DPP10: variants seen among roughly 807,000 people sequenced by gnomAD.
DPP10 encodes dipeptidyl peptidase like 10.
DPP10 carries 33 observed loss-of-function variants against 120.9 expected under a neutral mutation model. That is an observed-to-expected ratio of 0.27 (90% CI 0.21 to 0.37). DPP10 has a LOEUF of 0.37. Among genes scored for constraint, DPP10 ranks in the 10% least tolerant of loss-of-function variants. The probability of loss-of-function intolerance (pLI) is 1.00; values close to 1 mark genes in which losing one functional copy is unlikely to be tolerated. For synonymous variants in DPP10, 337 were observed against 326.1 expected, an observed-to-expected ratio of 1.03 and a Z score of -0.36; for missense variants, 816 against 942.8, an observed-to-expected ratio of 0.87 and a Z score of 1.76.
intron 1 of DPP10, among the ~76,000 whole-genome samples, chr2:114,619,388 T>C (rs1049635252): frequency 2.7e-5 from 4 of 150,862 alleles, no homozygotes; most frequent in Non-Finnish European, 5.9e-5. Flanking sequence ...CATATGTGTG[T>C]GTGTGTGTGT....
chr2:115,530,221 G>C (rs1304887616), intron 5 of DPP10, among the ~76,000 whole-genome samples: 1 of 151,698 alleles, frequency 6.6e-6, no homozygotes, highest in Admixed American at 6.6e-5. Flanking sequence ...TGCAATTGCT[G>C]GGCTGTATAT....
intron 2 of DPP10, among the ~76,000 whole-genome samples, chr2:115,331,204 C>T (rs1037048994): frequency 2.6e-5 from 4 of 152,074 alleles, no homozygotes; most frequent in Non-Finnish European, 5.9e-5. Context: ...AATGGGAGTT[C>T]ACTCATGATT....
intron 3 of DPP10, among the ~76,000 whole-genome samples, chr2:115,357,991 C>T (rs757812599): frequency 6.6e-6 from 1 of 152,008 alleles, no homozygotes; most frequent in Non-Finnish European, 1.5e-5. Flanking sequence ...TTGGACCCGA[C>T]CCAGGAAACC....
intron 21 of DPP10, among the ~76,000 whole-genome samples, chr2:115,827,963 A>T (rs1338479421): frequency 6.6e-6 from 1 of 152,254 alleles, no homozygotes; most frequent in East Asian, 1.9e-4. Context: ...TACCCAGGTG[A>T]CTACCAATTC....
At chr2:114,679,832 G>A (rs1055764201) in intron 1 of DPP10, among the ~76,000 whole-genome samples, 1 of 151,866 alleles carries the variant, frequency 6.6e-6, no homozygotes, top group Non-Finnish European at 1.5e-5. Context: ...AATTGAGATG[G>A]CAAACTTCTA....
rs114632143 is a variant in DPP10 at position 114,620,954 on chromosome 2, G to C, written c.60+178116G>C. Among the ~76,000 whole-genome samples, 995 of 152,162 alleles carry C rather than the reference G, an allele frequency of 6.5e-3. 12 individuals carry two copies. The highest frequency in any genetic ancestry group is 0.023 in the African/African-American group (941 of 41,532). ...TAAGAATATTGTATCTCTACCAAGAGAGTATCAGTGACTAAATCTTATTTT... is the reference window on the plus strand; with the variant it reads ...TAAGAATATTGTATCTCTACCAAGACAGTATCAGTGACTAAATCTTATTTT... On this transcript the variant is annotated intron_variant, in intron 1 of 25. Coordinates refer to ENST00000410059, the MANE Select transcript of DPP10 (RefSeq NM_020868.6).
chr2:115,301,811 C>T (rs1259673884), intron 1 of DPP10, among the ~76,000 whole-genome samples: 1 of 151,958 alleles, frequency 6.6e-6, no homozygotes, highest in Non-Finnish European at 1.5e-5. Flanking sequence ...TTGCTTAGTC[C>T]TGTCTTAGAC....
intron 1 of DPP10, among the ~76,000 whole-genome samples, chr2:114,620,782 G>T (rs899869085): frequency 6.6e-6 from 1 of 151,936 alleles, no homozygotes; most frequent in Non-Finnish European, 1.5e-5. Context: ...ACTTATAATG[G>T]ACTTTTCACT....
chr2:115,822,273 C>T (rs1435171156), intron 21 of DPP10, among the ~76,000 whole-genome samples: 1 of 151,818 alleles, frequency 6.6e-6, no homozygotes, highest in Admixed American at 6.6e-5. Flanking sequence ...CTATTCCTTC[C>T]TTCCCCTTTT....
chr2:114,816,332 G>A (rs1002945165), intron 1 of DPP10, among the ~76,000 whole-genome samples: 1 of 152,208 alleles, frequency 6.6e-6, no homozygotes, highest in African/African-American at 2.4e-5. Context: ...GAGAAGAAAA[G>A]CAGCCATAGG....
At chr2:115,210,209 C>G (rs908078039) in intron 1 of DPP10, among the ~76,000 whole-genome samples, 22 of 152,052 alleles carry the variant, frequency 1.4e-4, no homozygotes, top group Non-Finnish European at 2.6e-4. Context: ...TGTGGTGTTC[C>G]CCATCCTGTG....
At chr2:114,936,736 C>T (rs1368019192) in intron 1 of DPP10, among the ~76,000 whole-genome samples, 1 of 152,132 alleles carries the variant, frequency 6.6e-6, no homozygotes, top group Non-Finnish European at 1.5e-5. Flanking sequence ...CTTTTTACTG[C>T]ATCCATGCCA....
intron 4 of DPP10, among the ~76,000 whole-genome samples, chr2:115,514,965 T>C (rs905102628): frequency 3.3e-5 from 5 of 151,900 alleles, no homozygotes; most frequent in African/African-American, 4.8e-5. Flanking sequence ...CATTTATATG[T>C]GTGTGTATGT....
chr2:114,971,798 C>A (rs1407178902), intron 1 of DPP10, among the ~76,000 whole-genome samples: 1 of 152,096 alleles, frequency 6.6e-6, no homozygotes, highest in Non-Finnish European at 1.5e-5. Flanking sequence ...TAACGATCAA[C>A]CTTTAAAAAT....
chr2:115,410,105 C>G (rs1016287123), intron 3 of DPP10, among the ~76,000 whole-genome samples: 6 of 152,088 alleles, frequency 3.9e-5, no homozygotes, highest in African/African-American at 1.4e-4. Flanking sequence ...ATCTCCCAGC[C>G]CCATTGATTA....
At chr2:115,184,676 C>T (rs567021885) in intron 1 of DPP10, among the ~76,000 whole-genome samples, 1 of 152,332 alleles carries the variant, frequency 6.6e-6, no homozygotes, top group South Asian at 2.1e-4. Flanking sequence ...AGAAAAGCAG[C>T]TGTTTATCTC....
chr2:115,224,193 G>A (rs180956399), intron 1 of DPP10, among the ~76,000 whole-genome samples: 1 of 152,210 alleles, frequency 6.6e-6, no homozygotes, highest in Admixed American at 6.6e-5. Context: ...AGTGTGCAAA[G>A]TGGGGTCTGG....
intron 5 of DPP10, among the ~76,000 whole-genome samples, chr2:115,679,619 T>TA (rs1231160460): frequency 6.6e-6 from 1 of 152,164 alleles, no homozygotes; most frequent in Non-Finnish European, 1.5e-5. Context: ...CTGAATGAAT[T>TA]AAAAAATTGT....
intron 1 of DPP10, among the ~76,000 whole-genome samples, chr2:114,899,134 G>A (rs1053623529): frequency 6.6e-6 from 1 of 151,472 alleles, no homozygotes; most frequent in African/African-American, 2.4e-5. Flanking sequence ...CCTAAGGAAG[G>A]TTGTCACATT....
Sources: gnomAD v4.1 joint callset for allele counts (sites outside exome capture counted in the v4.1 genomes callset) on GRCh38, gnomAD v4.1.1 for gene constraint, MANE v1.5 for transcripts, NCBI Gene and HGNC (gene_info 2026-07-23, HGNC 2026-07-21) for gene names.